LOXHD1: variants seen among roughly 807,000 people sequenced by gnomAD.
The protein encoded by LOXHD1 is lipoxygenase homology domain-containing protein 1.
LOXHD1 carries 205 observed loss-of-function variants against 248.2 expected under a neutral mutation model. The ratio of observed to expected loss-of-function variants is 0.83; its 90% confidence interval spans 0.74 to 0.93. LOXHD1 has a LOEUF of 0.93. Among genes scored for constraint, LOXHD1 ranks in the 40% least tolerant of loss-of-function variants. LOXHD1 has a pLI of 0.00. For synonymous variants in LOXHD1, 1,113 were observed against 1,162.8 expected (o/e 0.96, Z 0.87); for missense variants, 2,930 against 2,971.6 (o/e 0.99, Z 0.33).
In LOXHD1 at chr18:46,524,698, C is replaced by T. The variant is rs1450932226; in HGVS notation, c.4740+10G>A. Reference sequence around the variant, plus strand: ...GGATGGCCACAGGCCCTATATACCCCTTGGCTCACCTTCTCGTAAAAGAGC... The same window carrying T: ...GGATGGCCACAGGCCCTATATACCCTTTGGCTCACCTTCTCGTAAAAGAGC... On this transcript the variant is annotated intron_variant, in intron 30 of 40. Coordinates refer to ENST00000642948, the MANE Select transcript of LOXHD1 (RefSeq NM_001384474.1). The T allele has an allele frequency of 2.6e-5, 40 of 1,551,742 alleles. No homozygotes were observed. In the Middle Eastern group the frequency reaches 6.7e-4, roughly 26 times the overall value.
Position 46,610,920 on chromosome 18 carries a change from C to T in LOXHD1, c.615G>A (p.Glu205=). The T allele has an allele frequency of 6.4e-7, 1 of 1,551,872 alleles. No individual in the cohort carries two copies. The change falls in exon 6 of 41, where the codon GAG becomes GAA. Residue 205 remains glutamate (E), a synonymous_variant. Transcript: ENST00000642948. ...NIFGEYGDTG[E]RRLENEKDNF... ...TGTCCTTTTCATTTTCTAGCCTACG[C>T]TCCCCTGTATGCACAGACATACAAA... is the stretch of plus-strand genomic sequence containing the variant.
intron 34 of LOXHD1, among the ~76,000 whole-genome samples, chr18:46,516,177 G>A (rs534338911): frequency 4.2e-4 from 64 of 152,294 alleles, no homozygotes; most frequent in African/African-American, 1.5e-3. Flanking sequence ...CTTACTTGCT[G>A]TATAACCTTG....
intron 4 of LOXHD1, among the ~76,000 whole-genome samples, chr18:46,621,683 A>G (rs2038670947): frequency 6.6e-6 from 1 of 152,128 alleles, no homozygotes; most frequent in Non-Finnish European, 1.5e-5. Flanking sequence ...CATATGAGAT[A>G]GGGCTGCTGC....
chr18:46,553,072 C>T (rs1400542067), intron 21 of LOXHD1, among the ~76,000 whole-genome samples: 1 of 152,246 alleles, frequency 6.6e-6, no homozygotes, highest in Non-Finnish European at 1.5e-5. Context: ...ACAACCACCA[C>T]TGTCACTGTG....
chr18:46,549,279 G>C (rs551455515), intron 21 of LOXHD1, among the ~76,000 whole-genome samples: 1 of 152,318 alleles, frequency 6.6e-6, no homozygotes, highest in South Asian at 2.1e-4. Context: ...GTAAGCAGGA[G>C]GTTGAAACTG....
rs539194160 is a variant in LOXHD1 at position 46,524,808 on chromosome 18, A to T, written c.4640T>A (p.Ile1547Asn). The T allele has an allele frequency of 1.9e-6, 3 of 1,551,676 alleles. No homozygotes were observed. The Admixed American group carries it at 5.9e-5, about 30-fold the overall frequency. The stretch of plus-strand genomic sequence containing the variant: ...CTCGTCCTCGTTGGTGTCATTCCAG[A>T]TCTCCACCTTCTCCACGTACCAGTC... ...CADWYVEKVEIWNDTNEDEFL... is the reference protein window; with the variant it reads ...CADWYVEKVENWNDTNEDEFL... Residue 1547 changes from isoleucine to asparagine, a missense_variant, in exon 30 of 41, where the codon ATC (isoleucine) becomes AAC (asparagine). Ile to Asn is a moderately radical substitution (Grantham distance 149). Transcript: ENST00000642948.
chr18:46,532,660 A>G (rs2036124973), intron 28 of LOXHD1, among the ~76,000 whole-genome samples: 1 of 152,214 alleles, frequency 6.6e-6, no homozygotes, highest in Non-Finnish European at 1.5e-5. Context: ...CCATCCAGAA[A>G]TTCATGACCT....
intron 8 of LOXHD1, among the ~76,000 whole-genome samples, chr18:46,598,612 C>T (rs2038293529): frequency 6.6e-6 from 1 of 151,738 alleles, no homozygotes; most frequent in Non-Finnish European, 1.5e-5. Flanking sequence ...AGCAAAATGG[C>T]CATATGTAAA....
At chr18:46,546,829 C>A (rs1366239989) in intron 22 of LOXHD1, 66 bp downstream of exon 22, 1 of 1,492,504 alleles carries the variant, frequency 6.7e-7, no homozygotes, top group East Asian at 2.5e-5. Flanking sequence ...AAGATGGAGA[C>A]TTAGGGTTAG....
chr18:46,521,864 A>C (rs966324051), intron 32 of LOXHD1, among the ~76,000 whole-genome samples: 1 of 152,224 alleles, frequency 6.6e-6, no homozygotes, highest in Admixed American at 6.5e-5. Context: ...TTTGTTACAC[A>C]GCCATAGAAA....
At chr18:46,558,676 G>A (rs2037435168) in intron 20 of LOXHD1, among the ~76,000 whole-genome samples, 1 of 152,204 alleles carries the variant, frequency 6.6e-6, no homozygotes, top group Non-Finnish European at 1.5e-5. Flanking sequence ...TCGGGTAGAG[G>A]CAGGAATGGG....
chr18:46,544,060 G>A (rs1471003868), intron 23 of LOXHD1, among the ~76,000 whole-genome samples: 2 of 152,166 alleles, frequency 1.3e-5, no homozygotes, highest in African/African-American at 4.8e-5. Flanking sequence ...CCTGCCTCAG[G>A]ATGCACTGCA....
At chr18:46,556,552 T>G (rs2037338413) in intron 21 of LOXHD1, 1 of 162,580 alleles carries the variant, frequency 6.2e-6, no homozygotes, top group African/African-American at 2.4e-5. Flanking sequence ...CTGGTGGCCA[T>G]GACAGGCAAC....
rs1382650098 is a variant in LOXHD1 at position 46,560,216 on chromosome 18, CTCTTCCTCCTCT to C, written c.2916_2927del (p.Glu975_Glu978del). On this transcript the variant is annotated inframe_deletion, in exon 19 of 41. Coordinates refer to ENST00000642948, the MANE Select transcript of LOXHD1 (RefSeq NM_001384474.1). ...CCTGCATCCCCGGCCCAAACTCCTC[CTCTTCCTCCTCT>C]TCTTCCATCTCCTCCTCCTCTGACG... The C allele has an allele frequency of 5.2e-6, 8 of 1,551,790 alleles. No homozygotes were observed. Among genetic ancestry groups the C allele is most frequent in the Non-Finnish European group, 7.0e-6 (8 of 1,146,958 alleles).
At chr18:46,536,114 T>C (rs1226898581) in intron 26 of LOXHD1, among the ~76,000 whole-genome samples, 7 of 152,206 alleles carry the variant, frequency 4.6e-5, no homozygotes, top group Admixed American at 2.6e-4. Context: ...TATTTCCTCA[T>C]CTGTAAAATG....
chr18:46,631,637 G>T lies in LOXHD1; in HGVS notation c.511+7979C>A, dbSNP rs527252371. 3.3e-5 allele frequency among the ~76,000 whole-genome samples: 5 copies of T among 152,312 alleles called. No homozygotes were observed. The East Asian group carries it at 9.6e-4, about 29-fold the overall frequency. ...GGCGAGGGGCCTTGACATTTCCTCTGGCCCTGGCACGTTTTAACAGAAGAT... is the reference window on the plus strand; with the variant it reads ...GGCGAGGGGCCTTGACATTTCCTCTTGCCCTGGCACGTTTTAACAGAAGAT... On this transcript the variant is annotated intron_variant, in intron 4 of 40. Coordinates refer to ENST00000642948, the MANE Select transcript of LOXHD1 (RefSeq NM_001384474.1).
At chr18:46,547,214 A>C (rs2036887938) in intron 21 of LOXHD1, among the ~76,000 whole-genome samples, 156 bp from the exon 22 acceptor site, 1 of 152,168 alleles carries the variant, frequency 6.6e-6, no homozygotes, top group South Asian at 2.1e-4. Context: ...CAGCCTGGGA[A>C]TCACTCCATT....
intron 14 of LOXHD1, among the ~76,000 whole-genome samples, chr18:46,576,029 C>T (rs2037847306): frequency 6.6e-6 from 1 of 152,186 alleles, no homozygotes; most frequent in South Asian, 2.1e-4. Context: ...CCTCTGCAGG[C>T]AGGCCTTTCC....
At chr18:46,568,573 C>T (rs1236762121) in intron 16 of LOXHD1, among the ~76,000 whole-genome samples, 1 of 152,192 alleles carries the variant, frequency 6.6e-6, no homozygotes, top group Non-Finnish European at 1.5e-5. Context: ...GAGGGTAGGG[C>T]TTCTGTCTGC....
Sources: gnomAD v4.1 joint callset for allele counts (sites outside exome capture counted in the v4.1 genomes callset) on GRCh38, gnomAD v4.1.1 for gene constraint, MANE v1.5 for transcripts, NCBI Gene and HGNC (gene_info 2026-07-23, HGNC 2026-07-21) for gene names.